Variants in CEBPZ observed in about 807,000 individuals in gnomAD.
CEBPZ encodes CCAAT enhancer binding protein zeta.
CEBPZ carries 78 observed loss-of-function variants against 104.5 expected under a neutral mutation model. The observed-to-expected ratio is 0.75, with a 90% CI of 0.62 to 0.90. The LOEUF is 0.90. CEBPZ is among the 40% of genes least tolerant of loss of function. The pLI, the probability that CEBPZ is intolerant of heterozygous loss-of-function variation, is 0.00. For missense variants in CEBPZ, 1,439 were observed against 1,233.5 expected (o/e 1.17, Z -2.50); for synonymous variants, 470 against 427.0 (o/e 1.10, Z -1.24).
At chr2:37,224,048 T>G (rs1246129521) in intron 2 of CEBPZ, among the ~76,000 whole-genome samples, 3 of 152,234 alleles carry the variant, frequency 2.0e-5, no homozygotes, top group Non-Finnish European at 4.4e-5. Flanking sequence ...GTGTTCTTCA[T>G]AGTTTCACAA....
chr2:37,212,302 A>C lies in CEBPZ; in HGVS notation c.2603+33T>G, dbSNP rs1175492655. On this transcript the variant is annotated intron_variant, in intron 11 of 15. Transcript: ENST00000234170. ...GGGACAACAATTTGGGAAATGCTAG[A>C]AAAATAGGAAGGAGAAGATAGAAGT... 3.1e-6 allele frequency: 5 copies of C among 1,589,120 alleles called. No homozygotes were observed. In the African/African-American group the frequency reaches 6.7e-5, roughly 21 times the overall value.
At chr2:37,231,340 C>G in intron 1 of CEBPZ, 72 bp downstream of exon 1, 2 of 1,584,432 alleles carry the variant, frequency 1.3e-6, no homozygotes, top group Non-Finnish European at 8.6e-7. Context: ...GCGGAAGCGG[C>G]GGGGCAGTCA....
rs1558462457 is a variant in CEBPZ, at chr2:37,201,866, G to T, written c.3063C>A (p.Asp1021Glu). Reference sequence around the variant, plus strand: ...TTTTTGCATCTCTGTTGTGTAGCCAGTCATCACGTTCAGCCTCCCATCTAA... The same window carrying T: ...TTTTTGCATCTCTGTTGTGTAGCCATTCATCACGTTCAGCCTCCCATCTAA... ...KQLRWEAERD[D>E]WLHNRDAKSI... Residue 1021 changes from aspartate to glutamate, a missense_variant, in exon 16 of 16, where the codon GAC (aspartate) becomes GAA (glutamate). Asp to Glu is a conservative substitution (Grantham distance 45, BLOSUM62 2). Coordinates refer to ENST00000234170, the MANE Select transcript of CEBPZ (RefSeq NM_005760.3). 1.2e-6 allele frequency: 2 copies of T among 1,613,676 alleles called. No individual in the cohort carries two copies. The highest frequency in any genetic ancestry group is 1.7e-6 in the Non-Finnish European group (2 of 1,179,788).
chr2:37,224,343 G>T (rs902860186), intron 2 of CEBPZ, among the ~76,000 whole-genome samples: 1 of 152,160 alleles, frequency 6.6e-6, no homozygotes, highest in Non-Finnish European at 1.5e-5. Context: ...AGGACACCCA[G>T]AATTAACACA....
chr2:37,206,444 G>T (rs764216543), intron 13 of CEBPZ, among the ~76,000 whole-genome samples: 1 of 152,214 alleles, frequency 6.6e-6, no homozygotes, highest in Non-Finnish European at 1.5e-5. Context: ...TGCGACCTCT[G>T]CCTAATGGGT....
chr2:37,211,980 C>T lies in CEBPZ; in HGVS notation c.2663G>A (p.Gly888Asp). The T allele has an allele frequency of 6.2e-7, 1 of 1,612,760 alleles. No individual in the cohort carries two copies. The highest frequency in any genetic ancestry group is 8.5e-7 in the Non-Finnish European group (1 of 1,179,638). ...CAGGTTACCAAGTTCATCATCACTA[C>T]CTTCTGAATCTTCATCTAATGTGTT... The part of the protein sequence containing the change: ...KDNTLDEDSE[G>D]SDDELGNLDD... The change falls in exon 12 of 16, where the codon GGT (glycine) becomes GAT (aspartate). Residue 888 changes from glycine to aspartate, a missense_variant. Physicochemically the swap from Gly to Asp is moderately conservative, Grantham distance 94. Transcript: ENST00000234170.
intron 2 of CEBPZ, among the ~76,000 whole-genome samples, chr2:37,224,672 G>C (rs1036693672): frequency 3.2e-4 from 48 of 152,238 alleles, no homozygotes; most frequent in African/African-American, 1.1e-3. Flanking sequence ...AGAATTTAGA[G>C]ACATGTCTCT....
chr2:37,217,995 A>C (rs1369534225), intron 5 of CEBPZ, among the ~76,000 whole-genome samples: 1 of 149,054 alleles, frequency 6.7e-6, no homozygotes, highest in African/African-American at 2.5e-5. Flanking sequence ...CAGCCAGGCG[A>C]GGTGGCTCAT....
chr2:37,202,150 A>G lies in CEBPZ; in HGVS notation c.3026-247T>C, dbSNP rs1046984615. The G allele has an allele frequency of 1.6e-5, 5 of 307,948 alleles. No individual in the cohort carries two copies. The Admixed American group carries it at 1.9e-4, about 12-fold the overall frequency. The allele number at this position is 307,948 out of a possible 1,614,324, so 19.1% of individuals were successfully genotyped here. ...CTCTAAAGATTTTCTCTCCCCAAGC[A>G]CTTTTACTGGTGAAATAAAAACCAG... On this transcript the variant is annotated intron_variant, in intron 15 of 15. Coordinates refer to ENST00000234170, the MANE Select transcript of CEBPZ (RefSeq NM_005760.3).
intron 2 of CEBPZ, among the ~76,000 whole-genome samples, chr2:37,225,315 C>T (rs145835540): frequency 2.0e-5 from 3 of 152,258 alleles, no homozygotes; most frequent in East Asian, 1.9e-4. Context: ...TTGTATCTCA[C>T]AGTGTGGGGA....
At chr2:37,219,713 G>T (rs961210531) in intron 5 of CEBPZ, among the ~76,000 whole-genome samples, 1 of 152,114 alleles carries the variant, frequency 6.6e-6, no homozygotes, top group African/African-American at 2.4e-5. Flanking sequence ...TTAAAAATAT[G>T]AATTCCTCTT....
chr2:37,224,978 T>C (rs1664848398), intron 2 of CEBPZ, among the ~76,000 whole-genome samples: 1 of 152,108 alleles, frequency 6.6e-6, no homozygotes, highest in South Asian at 2.1e-4. Flanking sequence ...TCAAACACTT[T>C]CTAAAAATCA....
At position 37,227,906 on chromosome 2, in the gene CEBPZ, G is replaced by C; in HGVS notation, c.1287C>G (p.Phe429Leu). 3 of 1,614,178 alleles carry C rather than the reference G, an allele frequency of 1.9e-6. No individual in the cohort carries two copies. The highest frequency in any genetic ancestry group is 2.5e-6 in the Non-Finnish European group (3 of 1,180,032). ...GAGCTTTGGAGCTGATATTTGAGCG[G>C]AAGAGTAGCCTTTCTACTTCACCAG... Reference protein sequence around the residue: ...VVSGEVERLLFRSNISSKAQY... With the variant: ...VVSGEVERLLLRSNISSKAQY... Residue 429 changes from phenylalanine to leucine, a missense_variant, in exon 2 of 16, where the codon TTC becomes TTG. Transcript: ENST00000234170.
At chr2:37,202,472 C>T (rs889062893) in intron 15 of CEBPZ, 1 of 196,798 alleles carries the variant, frequency 5.1e-6, no homozygotes, top group Non-Finnish European at 1.0e-5. Flanking sequence ...TGGTGAAACC[C>T]TGTTTCTACT....
intron 13 of CEBPZ, 78 bp downstream of exon 13, chr2:37,210,921 A>C: frequency 2.4e-6 from 2 of 832,090 alleles, no homozygotes; most frequent in East Asian, 3.3e-5. Flanking sequence ...CAAATTTAGG[A>C]GAGTTCATTT....
chr2:37,202,833 G>A lies in CEBPZ; in HGVS notation c.2976C>T (p.Ser992=). The A allele has an allele frequency of 6.2e-7, 1 of 1,600,694 alleles. No homozygotes were observed. Residue 992 remains serine (S), a synonymous_variant, in exon 15 of 16, where the codon TCC becomes TCT. Coordinates refer to ENST00000234170, the MANE Select transcript of CEBPZ (RefSeq NM_005760.3). ...CATTCATGCCAATGTTATCAAACTT[G>A]GATCCCATATTTTCATCCAATAGAT... ...FGHLLDENMG[S]KFDNIGMNAM... is the part of the protein sequence containing the mutation.
intron 2 of CEBPZ, among the ~76,000 whole-genome samples, chr2:37,225,039 AAAAC>A (rs66609313): frequency 0.38 from 56,883 of 151,186 alleles, 11,513 homozygotes; most frequent in African/African-American, 0.53. Flanking sequence ...ACCCCCCTTC[AAAAC>A]AAACAAACAA....
In CEBPZ at chr2:37,223,352, G is replaced by C; in HGVS notation, c.1699C>G (p.Leu567Val). ...TTCAGAGATTTGTAGACAAGGTTAA[G>C]AAACATAGCTTGCTTGGAACACGTC... ...LMTCSKQAMF[L>V]NLVYKSLKAD... Residue 567 changes from leucine to valine, a missense_variant, in exon 3 of 16, where the codon CTT becomes GTT. Physicochemically the swap from Leu to Val is conservative, Grantham distance 32. Coordinates refer to ENST00000234170, the MANE Select transcript of CEBPZ (RefSeq NM_005760.3). 1 of 1,614,154 alleles carries C rather than the reference G, an allele frequency of 6.2e-7. No homozygotes were observed. The highest frequency in any genetic ancestry group is 8.5e-7 in the Non-Finnish European group (1 of 1,180,006).
intron 5 of CEBPZ, among the ~76,000 whole-genome samples, chr2:37,219,755 A>C (rs1664722857): frequency 1.3e-5 from 2 of 152,196 alleles, no homozygotes; most frequent in African/African-American, 2.4e-5. Flanking sequence ...TACTTGCAAA[A>C]AATTTTATCA....
Sources: gnomAD v4.1 joint callset for allele counts (sites outside exome capture counted in the v4.1 genomes callset) on GRCh38, gnomAD v4.1.1 for gene constraint, MANE v1.5 for transcripts, NCBI Gene and HGNC (gene_info 2026-07-23, HGNC 2026-07-21) for gene names.